IL33: variants seen among roughly 807,000 people sequenced by gnomAD.
IL33 encodes interleukin 33.
A neutral mutation model predicts 27.3 loss-of-function variants in IL33; 37 were observed. That is an observed-to-expected ratio of 1.36 (90% CI 1.04 to 1.78). The LOEUF (loss-of-function observed/expected upper bound fraction) is 1.78, where lower values mean the gene tolerates loss of function less well. Ranked by LOEUF, IL33 falls within the 40% of genes most tolerant of loss-of-function variation. IL33 has a pLI of 0.00. For missense variants in IL33, 406 were observed against 311.4 expected (o/e 1.30, Z -2.29); for synonymous variants, 132 against 102.9 (o/e 1.28, Z -1.71).
chr9:6,253,155 C>T (rs1051124233), intron 5 of IL33, among the ~76,000 whole-genome samples, 164 bp downstream of exon 5: 5 of 152,168 alleles, frequency 3.3e-5, no homozygotes, highest in African/African-American at 9.7e-5. Flanking sequence ...GAATCCACTT[C>T]TATGTCAAGA....
At position 6,255,988 on chromosome 9, in the gene IL33, A is replaced by G. The variant is rs547757713; in HGVS notation, c.633A>G (p.Pro211=). 6.2e-7 allele frequency: 1 copy of G among 1,613,584 alleles called. No individual in the cohort carries two copies. Among genetic ancestry groups the G allele is most frequent in the African/African-American group, 1.3e-5 (1 of 75,022 alleles). The part of the protein sequence containing the change: ...HSVELHKCEK[P]LPDQAFFVLH... ...CTCAGCTCCATAAGTGTGAAAAACC[A>G]CTGCCAGACCAGGCCTTCTTTGTCC... The change falls in exon 8 of 8, where the codon CCA becomes CCG. Residue 211 remains proline, a synonymous_variant. Transcript: ENST00000682010.
intron 2 of IL33, among the ~76,000 whole-genome samples, chr9:6,244,269 C>T (rs973895931): frequency 2.6e-5 from 4 of 152,188 alleles, no homozygotes; most frequent in African/African-American, 9.7e-5. Flanking sequence ...TTTACAAATA[C>T]ATCACATTAT....
intron 2 of IL33, among the ~76,000 whole-genome samples, chr9:6,248,235 CTTTT>C (rs1351881891): frequency 4.3e-5 from 5 of 116,212 alleles, no homozygotes; most frequent in Non-Finnish European, 8.6e-5. Flanking sequence ...TTTTTCTTTT[CTTTT>C]CTTTTTTTTT....
At position 6,250,487 on chromosome 9, in the gene IL33, G is replaced by T. The variant is rs1431416448; in HGVS notation, c.105G>T (p.Lys35Asn). The T allele has an allele frequency of 1.2e-6, 2 of 1,613,292 alleles. No individual in the cohort carries two copies. The highest frequency in any genetic ancestry group is 2.2e-5 in the South Asian group (2 of 90,974). The change falls in exon 3 of 8, where the codon AAG (lysine) becomes AAT (asparagine). Residue 35 changes from lysine (K) to asparagine (N), a missense_variant. Physicochemically the swap from Lys to Asn is moderately conservative, Grantham distance 94. Transcript: ENST00000682010. ...TCAATTGTTTAGAATCCCAACAGAA[G>T]GCCAAAGAAGTTTGCCCCATGTACT... is the stretch of plus-strand genomic sequence containing the variant. Reference protein sequence around the residue: ...LCFKLGKSQQKAKEVCPMYFM... With the variant: ...LCFKLGKSQQNAKEVCPMYFM...
intron 1 of IL33, among the ~76,000 whole-genome samples, chr9:6,235,109 G>A (rs576552809): frequency 9.9e-5 from 15 of 152,090 alleles, no homozygotes; most frequent in Non-Finnish European, 2.1e-4. Flanking sequence ...AGTGCTATCA[G>A]AGCTTACTAC....
chr9:6,245,878 C>T (rs1034666152), intron 2 of IL33, among the ~76,000 whole-genome samples: 1 of 151,036 alleles, frequency 6.6e-6, no homozygotes, highest in Non-Finnish European at 1.5e-5. Flanking sequence ...CTGGTTAACA[C>T]GGTGAAACCC....
At chr9:6,246,859 T>A (rs1261521964) in intron 2 of IL33, among the ~76,000 whole-genome samples, 1 of 152,232 alleles carries the variant, frequency 6.6e-6, no homozygotes, top group Non-Finnish European at 1.5e-5. Context: ...ATAAAACTCT[T>A]TTCTTTATAA....
chr9:6,251,121 A>G lies in IL33; in HGVS notation c.218-19A>G, dbSNP rs1263607626. On this transcript the variant is annotated intron_variant, in intron 3 of 7. Transcript: ENST00000682010. ...GAGTGGGGATTGATGGTCTATCCCTAATCCCATCCGGTCTGCAGGTAGAAA... is the reference window on the plus strand; with the variant it reads ...GAGTGGGGATTGATGGTCTATCCCTGATCCCATCCGGTCTGCAGGTAGAAA... 6.2e-7 allele frequency: 1 copy of G among 1,612,542 alleles called. No individual in the cohort carries two copies. Among genetic ancestry groups the G allele is most frequent in the Non-Finnish European group, 8.5e-7 (1 of 1,179,138 alleles).
intron 1 of IL33, among the ~76,000 whole-genome samples, chr9:6,217,317 C>T (rs1564042311): frequency 6.6e-6 from 1 of 152,218 alleles, no homozygotes; most frequent in East Asian, 1.9e-4. Context: ...TACATCTTAG[C>T]AGAATTCAGG....
At chr9:6,221,441 T>C (rs1818407750) in intron 1 of IL33, among the ~76,000 whole-genome samples, 1 of 152,188 alleles carries the variant, frequency 6.6e-6, no homozygotes. Context: ...TTCCATTATG[T>C]CAAGTGGAAG....
chr9:6,221,583 AAC>A (rs1818414680), intron 1 of IL33, among the ~76,000 whole-genome samples: 1 of 152,226 alleles, frequency 6.6e-6, no homozygotes, highest in Non-Finnish European at 1.5e-5. Context: ...AAAAGTATAA[AAC>A]TTAGAAGTCT....
chr9:6,248,353 G>A (rs1820000919), intron 2 of IL33, among the ~76,000 whole-genome samples: 1 of 143,512 alleles, frequency 7.0e-6, no homozygotes, highest in Non-Finnish European at 1.5e-5. Flanking sequence ...TCTTTAAGAT[G>A]TAATTAGGTC....
intron 1 of IL33, among the ~76,000 whole-genome samples, chr9:6,231,251 T>G (rs1225219987): frequency 6.6e-6 from 1 of 152,192 alleles, no homozygotes; most frequent in Non-Finnish European, 1.5e-5. Flanking sequence ...GCACTCTGAA[T>G]GAAATCCAAG....
chr9:6,248,142 T>C (rs1334303530), intron 2 of IL33, among the ~76,000 whole-genome samples: 2 of 152,160 alleles, frequency 1.3e-5, no homozygotes, highest in East Asian at 1.9e-4. Context: ...CAATGTGATA[T>C]AGTTGCTATG....
At chr9:6,223,837 T>A (rs118148121) in intron 1 of IL33, among the ~76,000 whole-genome samples, 4,563 of 152,298 alleles carry the variant, frequency 0.03, 89 homozygotes, top group Non-Finnish European at 0.049. Flanking sequence ...TCAGAGTTGG[T>A]GTCAAAAATC....
intron 1 of IL33, among the ~76,000 whole-genome samples, chr9:6,217,012 C>T (rs1818176006): frequency 6.6e-6 from 1 of 152,086 alleles, no homozygotes; most frequent in Non-Finnish European, 1.5e-5. Flanking sequence ...AATTTGGAGG[C>T]TAGGGTTTTT....
At chr9:6,250,433 G>A in intron 2 of IL33, 41 bp from the exon 3 acceptor site, 2 of 1,604,282 alleles carry the variant, frequency 1.2e-6, no homozygotes, top group Non-Finnish European at 1.7e-6. Context: ...GGATAAAGAT[G>A]AATGGAATGA....
At chr9:6,251,287 ATG>A (rs768602500) in intron 4 of IL33, 22 bp downstream of exon 4, 3 of 1,611,362 alleles carry the variant, frequency 1.9e-6, no homozygotes, top group African/African-American at 2.7e-5. Flanking sequence ...TACAGGGGTG[ATG>A]TGGGAGTGAG....
At chr9:6,241,918 G>T (rs892351332) in intron 2 of IL33, 133 bp downstream of exon 2, 1 of 661,956 alleles carries the variant, frequency 1.5e-6, no homozygotes. Flanking sequence ...AAAAAGAGAT[G>T]GCACATAAGG....
Sources: gnomAD v4.1 joint callset for allele counts (sites outside exome capture counted in the v4.1 genomes callset) on GRCh38, gnomAD v4.1.1 for gene constraint, MANE v1.5 for transcripts, NCBI Gene and HGNC (gene_info 2026-07-23, HGNC 2026-07-21) for gene names.